The following EPHB1 variants were observed in gnomAD, a reference collection of about 807,000 sequenced individuals.
EPHB1 encodes the protein ephrin type-B receptor 1.
EPHB1 carries 30 observed loss-of-function variants against 94.4 expected under a neutral mutation model. The ratio of observed to expected loss-of-function variants is 0.32; its 90% CI spans 0.24 to 0.43. The LOEUF is 0.43. EPHB1 is among the 20% of genes least tolerant of loss of function. EPHB1 has a pLI of 1.00. For missense variants in EPHB1, 1,055 were observed against 1,308.3 expected, an observed-to-expected ratio of 0.81 and a Z score of 2.99; for synonymous variants, 522 against 489.1, an observed-to-expected ratio of 1.07 and a Z score of -0.89.
chr3:134,991,540 C>A (rs768564177), intron 3 of EPHB1, among the ~76,000 whole-genome samples: 25 of 152,152 alleles, frequency 1.6e-4, no homozygotes, highest in Non-Finnish European at 2.8e-4. Context: ...TCTCAGCATG[C>A]TCCTTTCCAG....
chr3:135,044,507 A>G (rs1183094893), intron 3 of EPHB1, among the ~76,000 whole-genome samples: 1 of 152,194 alleles, frequency 6.6e-6, no homozygotes. Context: ...GTCAGCCAGA[A>G]CCAGTTCATA....
intron 1 of EPHB1, among the ~76,000 whole-genome samples, chr3:134,866,601 C>T (rs891282697): frequency 1.3e-5 from 2 of 152,220 alleles, no homozygotes; most frequent in African/African-American, 4.8e-5. Flanking sequence ...TCTGTCCACT[C>T]CAAAGCCCTT....
At chr3:134,874,186 A>G (rs913121301) in intron 1 of EPHB1, among the ~76,000 whole-genome samples, 2 of 152,250 alleles carry the variant, frequency 1.3e-5, no homozygotes, top group Non-Finnish European at 1.5e-5. Context: ...CTATGCAGCC[A>G]TAAAAAGGAA....
At chr3:134,801,811 A>G (rs901225421) in intron 1 of EPHB1, among the ~76,000 whole-genome samples, 3 of 152,166 alleles carry the variant, frequency 2.0e-5, no homozygotes, top group African/African-American at 7.2e-5. Context: ...TGGTGAGGTC[A>G]GGACCATCTG....
intron 5 of EPHB1, among the ~76,000 whole-genome samples, chr3:135,142,581 C>T (rs1478819864): frequency 2.6e-5 from 4 of 152,138 alleles, no homozygotes; most frequent in African/African-American, 4.8e-5. Flanking sequence ...CCAAGAGTGC[C>T]AGATGAAGCC....
At chr3:135,008,154 T>A (rs912162169) in intron 3 of EPHB1, among the ~76,000 whole-genome samples, 1 of 152,174 alleles carries the variant, frequency 6.6e-6, no homozygotes, top group Non-Finnish European at 1.5e-5. Context: ...GGGCAAAGCA[T>A]CAGCTTGGTA....
chr3:134,990,235 T>A (rs1934747731), intron 3 of EPHB1, among the ~76,000 whole-genome samples: 1 of 152,220 alleles, frequency 6.6e-6, no homozygotes, highest in Non-Finnish European at 1.5e-5. Context: ...TAACCTATGT[T>A]TTCTTTTGAG....
At chr3:134,843,593 T>C (rs976479527) in intron 1 of EPHB1, among the ~76,000 whole-genome samples, 3 of 152,022 alleles carry the variant, frequency 2.0e-5, no homozygotes, top group Admixed American at 2.0e-4. Context: ...CTCTGTTCTT[T>C]GGACATGATA....
At chr3:134,897,539 G>A (rs79009612) in intron 1 of EPHB1, among the ~76,000 whole-genome samples, 1,784 of 152,230 alleles carry the variant, frequency 0.012, 34 homozygotes, top group African/African-American at 0.036. Flanking sequence ...TTTTCTCCAC[G>A]GGTCTTTTCA....
In EPHB1 at chr3:135,146,201, C is replaced by T. The variant is rs567544266; in HGVS notation, c.1298-7951C>T. 5.3e-5 allele frequency among the ~76,000 whole-genome samples: 8 copies of T among 152,308 alleles called. No homozygotes were observed. The East Asian group carries it at 1.5e-3, about 29-fold the overall frequency. Reference sequence around the variant, plus strand: ...AGTGTGGGGCAGTGTGAGGCTCCCCCTGTGCCTTCAAAGGCCGGCAAGGTC... The same window carrying T: ...AGTGTGGGGCAGTGTGAGGCTCCCCTTGTGCCTTCAAAGGCCGGCAAGGTC... On this transcript the variant is annotated intron_variant, in intron 5 of 15. Coordinates refer to ENST00000398015, the MANE Select transcript of EPHB1 (RefSeq NM_004441.5).
At chr3:134,821,352 C>T (rs934495088) in intron 1 of EPHB1, among the ~76,000 whole-genome samples, 9 of 151,168 alleles carry the variant, frequency 6.0e-5, no homozygotes, top group Non-Finnish European at 1.2e-4. Context: ...CATGTTGACA[C>T]ATAAAGTTAA....
At chr3:135,099,896 G>A (rs1386060645) in intron 3 of EPHB1, among the ~76,000 whole-genome samples, 2 of 152,184 alleles carry the variant, frequency 1.3e-5, no homozygotes, top group Non-Finnish European at 2.9e-5. Context: ...TCTGGGCTGC[G>A]AACCTCCTTC....
chr3:135,093,914 C>T (rs975073455), intron 3 of EPHB1, among the ~76,000 whole-genome samples: 3 of 152,094 alleles, frequency 2.0e-5, no homozygotes, highest in South Asian at 4.1e-4. Flanking sequence ...AGGTTTTCAC[C>T]ATCTTTCTTG....
chr3:135,242,517 C>T (rs1474345022), intron 13 of EPHB1, among the ~76,000 whole-genome samples: 2 of 152,166 alleles, frequency 1.3e-5, no homozygotes, highest in Non-Finnish European at 2.9e-5. Context: ...AGCTGGGGTA[C>T]TTCTATGACA....
intron 3 of EPHB1, among the ~76,000 whole-genome samples, chr3:135,059,314 A>C (rs1318166265): frequency 6.6e-6 from 1 of 152,218 alleles, no homozygotes; most frequent in Non-Finnish European, 1.5e-5. Flanking sequence ...TGTCACTGAG[A>C]GTGCCTGAGT....
intron 5 of EPHB1, among the ~76,000 whole-genome samples, chr3:135,136,116 A>G (rs1307801329): frequency 1.3e-5 from 2 of 152,192 alleles, no homozygotes; most frequent in African/African-American, 2.4e-5. Context: ...GTTCTGTCCT[A>G]AAAGTGGACA....
intron 3 of EPHB1, among the ~76,000 whole-genome samples, chr3:135,054,038 TATACACAC>T (rs919296671): frequency 2.8e-5 from 3 of 107,502 alleles, no homozygotes; most frequent in African/African-American, 1.1e-4. Context: ...TATATATATA[TATACACAC>T]ACACACACAC....
intron 3 of EPHB1, among the ~76,000 whole-genome samples, chr3:135,096,399 G>A (rs536005488): frequency 6.6e-5 from 10 of 152,252 alleles, no homozygotes; most frequent in Non-Finnish European, 1.2e-4. Context: ...TACCAGAATC[G>A]CCTGGTTGGC....
At chr3:135,204,021 G>C (rs1942830251) in intron 12 of EPHB1, among the ~76,000 whole-genome samples, 1 of 151,854 alleles carries the variant, frequency 6.6e-6, no homozygotes, top group Admixed American at 6.6e-5. Flanking sequence ...TTGATTTTTA[G>C]TTTTTGTAGG....
Sources: allele counts gnomAD v4.1 joint callset (sites outside exome capture counted in the v4.1 genomes callset), GRCh38; gene constraint gnomAD v4.1.1; transcripts MANE v1.5; gene names NCBI Gene and HGNC (gene_info 2026-07-23, HGNC 2026-07-21).